EPHA6: variants seen among roughly 807,000 people sequenced by gnomAD.
EPHA6 encodes the protein EPH receptor A6, also known as ephrin type-A receptor 6.
Under a neutral mutation model 112.0 loss-of-function variants are expected in EPHA6, and 50 were observed. That is an observed-to-expected ratio of 0.45 (90% CI 0.36 to 0.56). The LOEUF is 0.56. Among genes scored for constraint, EPHA6 ranks in the 20% least tolerant of loss-of-function variants. EPHA6 has a pLI of 0.00. For missense variants in EPHA6, 1,280 were observed against 1,417.4 expected, an observed-to-expected ratio of 0.90 and a Z score of 1.56; for synonymous variants, 529 against 490.7, an observed-to-expected ratio of 1.08 and a Z score of -1.03.
At chr3:97,650,839 A>C (rs1398721193) in intron 14 of EPHA6, among the ~76,000 whole-genome samples, 1 of 134,116 alleles carries the variant, frequency 7.5e-6, no homozygotes, top group African/African-American at 2.9e-5. Flanking sequence ...CCTGGGCAAC[A>C]GTTCAAGACT....
chr3:97,742,570 C>A (rs2035550916), intron 16 of EPHA6, among the ~76,000 whole-genome samples: 1 of 152,014 alleles, frequency 6.6e-6, no homozygotes, highest in Non-Finnish European at 1.5e-5. Context: ...TGAAGACTTA[C>A]TGAAAATAAA....
intron 3 of EPHA6, among the ~76,000 whole-genome samples, chr3:97,089,856 T>C (rs1323635559): frequency 1.3e-5 from 2 of 152,068 alleles, no homozygotes; most frequent in African/African-American, 4.8e-5. Context: ...CTATCTAGCT[T>C]TAAAAACATG....
intron 5 of EPHA6, among the ~76,000 whole-genome samples, chr3:97,274,484 C>G (rs542922696): frequency 1.2e-4 from 18 of 152,216 alleles, no homozygotes; most frequent in African/African-American, 4.3e-4. Flanking sequence ...AGTGAGGAAA[C>G]CTCTTTCAGC....
chr3:97,719,427 A>G (rs952662201), intron 14 of EPHA6, among the ~76,000 whole-genome samples: 4 of 151,978 alleles, frequency 2.6e-5, no homozygotes, highest in Admixed American at 6.6e-5. Context: ...CGTCCCTTCA[A>G]CTCGCACTTT....
intron 3 of EPHA6, among the ~76,000 whole-genome samples, chr3:97,056,511 G>A (rs2045857816): frequency 6.6e-6 from 1 of 152,112 alleles, no homozygotes; most frequent in Admixed American, 6.6e-5. Context: ...GGAAATGTTT[G>A]CACTCACAAG....
intron 5 of EPHA6, among the ~76,000 whole-genome samples, chr3:97,404,066 C>T (rs2087170613): frequency 6.6e-6 from 1 of 152,146 alleles, no homozygotes; most frequent in African/African-American, 2.4e-5. Flanking sequence ...CAACCACTCT[C>T]TTATTGATGG....
intron 1 of EPHA6, among the ~76,000 whole-genome samples, chr3:96,859,460 C>T (rs992398831): frequency 6.6e-6 from 1 of 150,742 alleles, no homozygotes; most frequent in African/African-American, 2.4e-5. Flanking sequence ...TGGCTTGCTG[C>T]AGCCTAGAAC....
intron 5 of EPHA6, among the ~76,000 whole-genome samples, chr3:97,330,948 T>A (rs1176101932): frequency 6.6e-6 from 1 of 152,098 alleles, no homozygotes; most frequent in Non-Finnish European, 1.5e-5. Flanking sequence ...TATACATTCT[T>A]TTCAGCACCA....
intron 5 of EPHA6, among the ~76,000 whole-genome samples, chr3:97,329,269 A>G (rs530012314): frequency 6.6e-5 from 10 of 151,596 alleles, no homozygotes; most frequent in African/African-American, 9.7e-5. Flanking sequence ...TAGTGCCGCA[A>G]TAAACATACG....
chr3:97,590,476 T>C (rs1039066201), intron 11 of EPHA6, among the ~76,000 whole-genome samples: 1 of 152,196 alleles, frequency 6.6e-6, no homozygotes, highest in Non-Finnish European at 1.5e-5. Flanking sequence ...GTTTGGATAA[T>C]GTTGGCAAAA....
chr3:96,883,015 A>G (rs1166332488), intron 2 of EPHA6, among the ~76,000 whole-genome samples: 1 of 152,094 alleles, frequency 6.6e-6, no homozygotes, highest in Non-Finnish European at 1.5e-5. Flanking sequence ...TGTTTTCCAT[A>G]GCAATTGTAC....
At chr3:97,626,419 AAG>A (rs1403623804) in intron 13 of EPHA6, among the ~76,000 whole-genome samples, 1 of 151,872 alleles carries the variant, frequency 6.6e-6, no homozygotes, top group African/African-American at 2.4e-5. Context: ...CCCCAAATGT[AAG>A]AGTGAAGATA....
rs562525180 is a variant in EPHA6, at chr3:97,759,613, G to A, written c.*10912G>A. The A allele has an allele frequency of 7.4e-5, 17 of 230,310 alleles. No homozygotes were observed. The highest frequency in any genetic ancestry group is 1.3e-3 in the Middle Eastern group (1 of 764). The allele number at this position is 230,310 out of a possible 1,614,324, so 14.3% of individuals were successfully genotyped here. A position where few individuals can be genotyped will look rare whatever the true frequency, so the allele number is the denominator to read the frequency against. ...GGGAGGTTAATTTTTGATAGGTGCC[G>A]GAATATAGAACTCCAATGAAAGGAA... On this transcript the variant is annotated 3_prime_UTR_variant, in exon 18 of 18. Transcript: ENST00000389672.
chr3:97,191,657 T>C (rs1040685282), intron 3 of EPHA6, among the ~76,000 whole-genome samples: 27 of 152,284 alleles, frequency 1.8e-4, no homozygotes, highest in African/African-American at 6.3e-4. Flanking sequence ...AATCTCATTT[T>C]CTTTCACGGC....
At chr3:97,116,379 T>C (rs1290478264) in intron 3 of EPHA6, among the ~76,000 whole-genome samples, 2 of 151,698 alleles carry the variant, frequency 1.3e-5, no homozygotes, top group Non-Finnish European at 3.0e-5. Context: ...ACTTAAGATC[T>C]ACTCTAAGCA....
intron 1 of EPHA6, among the ~76,000 whole-genome samples, chr3:96,854,855 C>T (rs1204909144): frequency 2.0e-5 from 3 of 152,098 alleles, no homozygotes; most frequent in Non-Finnish European, 2.9e-5. Context: ...GATTTAAAAA[C>T]CTTACTGTAT....
intron 3 of EPHA6, among the ~76,000 whole-genome samples, chr3:97,218,764 C>T (rs2078106979): frequency 6.6e-6 from 1 of 152,148 alleles, no homozygotes; most frequent in South Asian, 2.1e-4. Context: ...CAACTGTCCC[C>T]CAAAGTTGTA....
intron 5 of EPHA6, among the ~76,000 whole-genome samples, chr3:97,397,211 T>C (rs1170275156): frequency 6.6e-6 from 1 of 151,774 alleles, no homozygotes; most frequent in Non-Finnish European, 1.5e-5. Flanking sequence ...CTCTAGATTT[T>C]ATTTTCTTGC....
intron 3 of EPHA6, among the ~76,000 whole-genome samples, chr3:97,211,967 T>C (rs531435397): frequency 6.6e-6 from 1 of 152,346 alleles, no homozygotes; most frequent in South Asian, 2.1e-4. Context: ...TAATTATAAA[T>C]GGTTTTGTTG....
Sources: gnomAD v4.1 joint callset for allele counts (sites outside exome capture counted in the v4.1 genomes callset) on GRCh38, gnomAD v4.1.1 for gene constraint, MANE v1.5 for transcripts, NCBI Gene and HGNC (gene_info 2026-07-23, HGNC 2026-07-21) for gene names.